The following OXCT2 variants were observed in gnomAD, a reference collection of about 807,000 sequenced individuals.
The protein encoded by OXCT2 is succinyl-CoA:3-ketoacid coenzyme A transferase 2, mitochondrial.
For missense variants in OXCT2, 317 were observed against 695.7 expected (o/e 0.46, Z 6.12); for synonymous variants, 110 against 298.4 (o/e 0.37, Z 6.51).
At position 39,769,863 on chromosome 1, in the gene OXCT2, G is replaced by C; in HGVS notation, c.1393C>G (p.Arg465Gly). 2 of 1,611,300 alleles carry C rather than the reference G, an allele frequency of 1.2e-6. No homozygotes were observed. The highest frequency in any genetic ancestry group is 8.5e-7 in the Non-Finnish European group (1 of 1,179,320). Residue 465 changes from arginine (R) to glycine (G), a missense_variant, in exon 1 of 1, where the codon CGC becomes GGC. Coordinates refer to ENST00000327582, the MANE Select transcript of OXCT2 (RefSeq NM_022120.2). ...AACACGGCCTTCTCGGTGATGATGC[G>C]GTCCACGCACCGCTTCCCGGTCAGC... ...MPLTGKRCVDRIITEKAVFDV... is the reference protein window; with the variant it reads ...MPLTGKRCVDGIITEKAVFDV...
chr1:39,769,585 G>C lies in OXCT2; in HGVS notation c.*117C>G, dbSNP rs1438021334. 7.2e-7 allele frequency: 1 copy of C among 1,390,656 alleles called. No homozygotes were observed. Among genetic ancestry groups the C allele is most frequent in the Non-Finnish European group, 9.4e-7 (1 of 1,059,788 alleles). The allele number at this position is 1,390,656 out of a possible 1,614,324, so 86.1% of individuals were successfully genotyped here. ...TCTAGAGGAGCACTGTCCACCTAGG[G>C]AGGAAAGTAGGAGGCCAGTAGCAAA... On this transcript the variant is annotated 3_prime_UTR_variant, in exon 1 of 1. Coordinates refer to ENST00000327582, the MANE Select transcript of OXCT2 (RefSeq NM_022120.2).
In OXCT2 at chr1:39,770,228, C is replaced by A. The variant is rs1439835365; in HGVS notation, c.1028G>T (p.Gly343Val). ...SMTVHLHSEN[G>V]ILGLGPFPTE... ...GGGAAACGGGCCCAGGCCCAGGATC[C>A]CGTTCTCACTGTGAAGATGGACAGT... The change falls in exon 1 of 1, where the codon GGG becomes GTG. Residue 343 changes from glycine (G) to valine (V), a missense_variant. Gly to Val is a moderately radical substitution (Grantham distance 109). Coordinates refer to ENST00000327582, the MANE Select transcript of OXCT2 (RefSeq NM_022120.2). 1 of 1,487,654 alleles carries A rather than the reference C, an allele frequency of 6.7e-7. No homozygotes were observed. Among genetic ancestry groups the A allele is most frequent in the Admixed American group, 1.9e-5 (1 of 53,202 alleles). The allele number at this position is 1,487,654 out of a possible 1,614,324, so 92.2% of individuals were successfully genotyped here.
chr1:39,770,495 A>C lies in OXCT2; in HGVS notation c.761T>G (p.Phe254Cys). 6.2e-7 allele frequency: 1 copy of C among 1,609,920 alleles called. No homozygotes were observed. The highest frequency in any genetic ancestry group is 8.5e-7 in the Non-Finnish European group (1 of 1,179,050). ...AGGAACGTGGATGTCTTCTGGGGGG[A>C]AAGCCCCCACCTCCACGATCTCTTC... Reference protein sequence around the residue: ...EVEEIVEVGAFPPEDIHVPNI... With the variant: ...EVEEIVEVGACPPEDIHVPNI... The change falls in exon 1 of 1, where the codon TTC becomes TGC. Residue 254 changes from phenylalanine to cysteine, a missense_variant. Transcript: ENST00000327582.
rs559212789 is a variant in OXCT2 at position 39,770,609 on chromosome 1, T to C, written c.647A>G (p.Asp216Gly). The change falls in exon 1 of 1, where the codon GAC (aspartate) becomes GGC (glycine). Residue 216 changes from aspartate (D) to glycine (G), a missense_variant. Coordinates refer to ENST00000327582, the MANE Select transcript of OXCT2 (RefSeq NM_022120.2). ...DFALVKGWKA[D>G]RAGNVVFRRS... ...CCTGAAGACCACGTTTCCTGCCCGG[T>C]CGGCCTTCCACCCTTTCACCAGGGC... 6.3e-6 allele frequency: 10 copies of C among 1,592,418 alleles called. No individual in the cohort carries two copies. The highest frequency in any genetic ancestry group is 8.5e-6 in the Non-Finnish European group (10 of 1,171,176).
In OXCT2 at chr1:39,770,336, G is replaced by T. The variant is rs368645697; in HGVS notation, c.920C>A (p.Ala307Asp). The T allele has an allele frequency of 4.4e-5, 70 of 1,590,796 alleles. 4 individuals carry two copies. The Middle Eastern group carries it at 1.2e-3, about 27-fold the overall frequency. Residue 307 changes from alanine (A) to aspartate (D), a missense_variant, in exon 1 of 1, where the codon GCT becomes GAT. Physicochemically the swap from Ala to Asp is moderately radical, Grantham distance 126. Transcript: ENST00000327582. ...DARTRIIRRA[A>D]LEFEDGMYAN... is the part of the protein sequence containing the mutation. ...GTACATGCCGTCCTCAAATTCCAGAGCTGCGCGTCTGATGATGCGCGTCCT... is the reference window on the plus strand; with the variant it reads ...GTACATGCCGTCCTCAAATTCCAGATCTGCGCGTCTGATGATGCGCGTCCT...
rs775569937 is a variant in OXCT2, at chr1:39,770,090, C to A, written c.1166G>T (p.Gly389Val). The A allele has an allele frequency of 8.2e-7, 1 of 1,221,306 alleles. No homozygotes were observed. Among genetic ancestry groups the A allele is most frequent in the South Asian group, 1.5e-5 (1 of 66,644 alleles). 75.7% of individuals were successfully genotyped at this position (1,221,306 alleles called of 1,614,324 possible). Residue 389 changes from glycine (G) to valine (V), a missense_variant, in exon 1 of 1, where the codon GGA (glycine) becomes GTA (valine). Transcript: ENST00000327582. ...TCCAAGCATGGTTAGTTGGATGTGTCCCCCTCGGATCATGGCGAAGGAGTC... is the reference window on the plus strand; with the variant it reads ...TCCAAGCATGGTTAGTTGGATGTGTACCCCTCGGATCATGGCGAAGGAGTC... ...SDDSFAMIRG[G>V]HIQLTMLGAM...
At position 39,770,381 on chromosome 1, in the gene OXCT2, G is replaced by A; in HGVS notation, c.875C>T (p.Ala292Val). ...LTILKEEDGD[A>V]GKEEDARTRI... ...CGTCCTGGCGTCCTCTTCCTTTCCAGCGTCTCCATCTTCCTCTTTCAGGAT... is the reference window on the plus strand; with the variant it reads ...CGTCCTGGCGTCCTCTTCCTTTCCAACGTCTCCATCTTCCTCTTTCAGGAT... The change falls in exon 1 of 1, where the codon GCT (alanine) becomes GTT (valine). Residue 292 changes from alanine (A) to valine (V), a missense_variant. By Grantham distance (64) the Ala-to-Val change is moderately conservative. Transcript: ENST00000327582. 6.3e-7 allele frequency: 1 copy of A among 1,598,888 alleles called. No individual in the cohort carries two copies. Among genetic ancestry groups the A allele is most frequent in the Non-Finnish European group, 8.5e-7 (1 of 1,176,224 alleles).
chr1:39,771,179 T>G lies in OXCT2; in HGVS notation c.77A>C (p.Gln26Pro). ...GGTGGCAAAGCAGCGGGCGCAGCCC[T>G]GGGACAGCGCGAGCCCTGAGCCGCC... ...PAGGSGLALSQGCARCFATSP... is the reference protein window; with the variant it reads ...PAGGSGLALSPGCARCFATSP... Residue 26 changes from glutamine (Q) to proline (P), a missense_variant, in exon 1 of 1, where the codon CAG becomes CCG. Gln to Pro is a moderately conservative substitution (Grantham distance 76). Transcript: ENST00000327582. 6.5e-7 allele frequency: 1 copy of G among 1,548,114 alleles called. No homozygotes were observed. The highest frequency in any genetic ancestry group is 8.7e-7 in the Non-Finnish European group (1 of 1,144,210).
In OXCT2 at chr1:39,771,249, C is replaced by T. The variant is rs1461927645; in HGVS notation, c.7G>A (p.Ala3Thr). 6.2e-5 allele frequency: 94 copies of T among 1,517,968 alleles called. No individual in the cohort carries two copies. The highest frequency in any genetic ancestry group is 7.9e-5 in the Non-Finnish European group (90 of 1,134,128). 94.0% of individuals were successfully genotyped at this position (1,517,968 alleles called of 1,614,324 possible). A position where few individuals can be genotyped will look rare whatever the true frequency, so the allele number is the denominator to read the frequency against. ...AGCACTGACGCCAGGAGCCGCAGCG[C>T]CGCCATAGTCGGCCCGGGTCGGAGG... MA[A>T]LRLLASVLGR... The change falls in exon 1 of 1, where the codon GCG becomes ACG. Residue 3 changes from alanine (A) to threonine (T), a missense_variant. By Grantham distance (58) the Ala-to-Thr change is moderately conservative. Coordinates refer to ENST00000327582, the MANE Select transcript of OXCT2 (RefSeq NM_022120.2).
At position 39,770,463 on chromosome 1, in the gene OXCT2, A is replaced by G. The variant is rs774219800; in HGVS notation, c.793T>C (p.Tyr265His). ...TGCCCCTTTATCACGCGATCTACAT[A>G]AATGTTAGGAACGTGGATGTCTTCT... ...PPEDIHVPNI[Y>H]VDRVIKGQKY... Residue 265 changes from tyrosine to histidine, a missense_variant, in exon 1 of 1, where the codon TAT becomes CAT. Coordinates refer to ENST00000327582, the MANE Select transcript of OXCT2 (RefSeq NM_022120.2). The G allele has an allele frequency of 1.2e-6, 2 of 1,609,694 alleles. No homozygotes were observed. The highest frequency in any genetic ancestry group is 1.4e-5 in the African/African-American group (1 of 73,450).
rs764933955 is a variant in OXCT2 at position 39,770,545 on chromosome 1, A to T, written c.711T>A (p.Ala237=). The T allele has an allele frequency of 2.5e-6, 4 of 1,609,564 alleles. No homozygotes were observed. Among genetic ancestry groups the T allele is most frequent in the South Asian group, 2.2e-5 (2 of 90,696 alleles). Residue 237 remains alanine (A), a synonymous_variant, in exon 1 of 1, where the codon GCT becomes GCA. Coordinates refer to ENST00000327582, the MANE Select transcript of OXCT2 (RefSeq NM_022120.2). ...ARNFNVPMCK[A]ADVTAVEVEE... is the part of the protein sequence containing the mutation. ...CCACCTCCACCGCCGTGACGTCTGC[A>T]GCTTTGCACATGGGCACGTTGAAAT...
rs1455579172 is a variant in OXCT2 at position 39,770,257 on chromosome 1, G to A, written c.999C>T (p.Ser333=). The part of the protein sequence containing the change: ...PLLASNFISP[S]MTVHLHSENG... ...TCTCACTGTGAAGATGGACAGTCAT[G>A]CTGGGACTGATGAAGTTGCTGGCCA... The change falls in exon 1 of 1, where the codon AGC becomes AGT. Residue 333 remains serine, a synonymous_variant. Coordinates refer to ENST00000327582, the MANE Select transcript of OXCT2 (RefSeq NM_022120.2). 6.5e-7 allele frequency: 1 copy of A among 1,540,000 alleles called. No homozygotes were observed. The highest frequency in any genetic ancestry group is 2.3e-5 in the East Asian group (1 of 43,024).
chr1:39,771,286 G>C lies in OXCT2; in HGVS notation c.-31C>G, dbSNP rs1392615059. The C allele has an allele frequency of 2.6e-5, 38 of 1,473,922 alleles. No individual in the cohort carries two copies. Among genetic ancestry groups the C allele is most frequent in the Non-Finnish European group, 3.2e-5 (36 of 1,116,012 alleles). 91.3% of individuals were successfully genotyped at this position (1,473,922 alleles called of 1,614,324 possible). A position where few individuals can be genotyped will look rare whatever the true frequency, so the allele number is the denominator to read the frequency against. ...GCCCGGGTCGGAGGCCAGGACAGGTGGTGTGAGCCCTGCGTGCGCCTCGGG... is the reference window on the plus strand; with the variant it reads ...GCCCGGGTCGGAGGCCAGGACAGGTCGTGTGAGCCCTGCGTGCGCCTCGGG... On this transcript the variant is annotated 5_prime_UTR_variant, in exon 1 of 1. Coordinates refer to ENST00000327582, the MANE Select transcript of OXCT2 (RefSeq NM_022120.2).
chr1:39,770,266 G>C lies in OXCT2; in HGVS notation c.990C>G (p.Ile330Met), dbSNP rs746326603. Reference protein sequence around the residue: ...IGIPLLASNFISPSMTVHLHS... With the variant: ...IGIPLLASNFMSPSMTVHLHS... ...GAAGATGGACAGTCATGCTGGGACT[G>C]ATGAAGTTGCTGGCCAGCAGGGGGA... is the stretch of plus-strand genomic sequence containing the variant. Residue 330 changes from isoleucine to methionine, a missense_variant, in exon 1 of 1, where the codon ATC becomes ATG. Coordinates refer to ENST00000327582, the MANE Select transcript of OXCT2 (RefSeq NM_022120.2). The C allele has an allele frequency of 6.5e-7, 1 of 1,550,264 alleles. No individual in the cohort carries two copies. The highest frequency in any genetic ancestry group is 8.7e-7 in the Non-Finnish European group (1 of 1,149,796).
In OXCT2 at chr1:39,771,085, C is replaced by T. The variant is rs751790946; in HGVS notation, c.171G>A (p.Ala57=). The change falls in exon 1 of 1, where the codon GCG becomes GCA. Residue 57 remains alanine, a synonymous_variant. Transcript: ENST00000327582. ...VEMVKDISDG[A]TVMIGGFGLC... Reference sequence around the variant, plus strand: ...GCCCGAAGCCCCCGATCATGACGGTCGCCCCGTCAGAGATGTCCTTCACCA... The same window carrying T: ...GCCCGAAGCCCCCGATCATGACGGTTGCCCCGTCAGAGATGTCCTTCACCA... 4.5e-6 allele frequency: 7 copies of T among 1,552,956 alleles called. No individual in the cohort carries two copies. In the East Asian group the frequency reaches 1.2e-4, roughly 26 times the overall value.
At position 39,770,201 on chromosome 1, in the gene OXCT2, G is replaced by A. The variant is rs199867641; in HGVS notation, c.1055C>T (p.Thr352Met). The stretch of plus-strand genomic sequence containing the variant: ...GAGGTCGGCATCCACCTCATCTTCC[G>A]TGGGAAACGGGCCCAGGCCCAGGAT... Reference protein sequence around the residue: ...NGILGLGPFPTEDEVDADLIN... With the variant: ...NGILGLGPFPMEDEVDADLIN... The change falls in exon 1 of 1, where the codon ACG (threonine) becomes ATG (methionine). Residue 352 changes from threonine to methionine, a missense_variant. By Grantham distance (81) the Thr-to-Met change is moderately conservative. Transcript: ENST00000327582. 819 of 1,408,464 alleles carry A rather than the reference G, an allele frequency of 5.8e-4. 30 individuals are homozygous for A. In the East Asian group the frequency reaches 0.017, roughly 30 times the overall value. The allele number at this position is 1,408,464 out of a possible 1,614,324, so 87.2% of individuals were successfully genotyped here.
rs1235833466 is a variant in OXCT2 at position 39,769,651 on chromosome 1, C to T, written c.*51G>A. On this transcript the variant is annotated 3_prime_UTR_variant, in exon 1 of 1. Transcript: ENST00000327582. ...GGGACATGTATTCCCCTGGGGAACC[C>T]GGTGGCACCCGCCCTGAGGAGCGCA... 5.4e-6 allele frequency: 8 copies of T among 1,475,686 alleles called. No homozygotes were observed. Among genetic ancestry groups the T allele is most frequent in the Admixed American group, 2.5e-5 (1 of 39,518 alleles). 91.4% of individuals were successfully genotyped at this position (1,475,686 alleles called of 1,614,324 possible).
rs559150464 is a variant in OXCT2, at chr1:39,771,304, G to A, written c.-49C>T. 307 of 1,427,950 alleles carry A rather than the reference G, an allele frequency of 2.1e-4. 3 individuals are homozygous for A. The African/African-American group carries it at 4.0e-3, about 18-fold the overall frequency. The allele number at this position is 1,427,950 out of a possible 1,614,324, so 88.5% of individuals were successfully genotyped here. A position where few individuals can be genotyped will look rare whatever the true frequency, so the allele number is the denominator to read the frequency against. On this transcript the variant is annotated 5_prime_UTR_variant, in exon 1 of 1. Transcript: ENST00000327582. ...GACAGGTGGTGTGAGCCCTGCGTGC[G>A]CCTCGGGCCGCGCGTCACAGAGCAG...
In OXCT2 at chr1:39,770,757, C is replaced by T. The variant is rs1294709738; in HGVS notation, c.499G>A (p.Glu167Lys). 6 of 954,918 alleles carry T rather than the reference C, an allele frequency of 6.3e-6. No individual in the cohort carries two copies. Among genetic ancestry groups the T allele is most frequent in the Non-Finnish European group, 8.8e-6 (6 of 681,720 alleles). 59.2% of individuals were successfully genotyped at this position (954,918 alleles called of 1,614,324 possible). A position where few individuals can be genotyped will look rare whatever the true frequency, so the allele number is the denominator to read the frequency against. Residue 167 changes from glutamate (E) to lysine (K), a missense_variant, in exon 1 of 1, where the codon GAA (glutamate) becomes AAA (lysine). By Grantham distance (56) the Glu-to-Lys change is moderately conservative. Transcript: ENST00000327582. The part of the protein sequence containing the change: ...TPTGYGTLVQ[E>K]GGAPIRYTPD... ...GTGTAGCGGATGGGGGCGCCCCCTT[C>T]CTGGACCAGGGTCCCGTAGCCCGTG... is the stretch of plus-strand genomic sequence containing the variant.
Sources: allele counts gnomAD v4.1 joint callset, GRCh38; gene constraint gnomAD v4.1.1; transcripts MANE v1.5; gene names NCBI Gene and HGNC (gene_info 2026-07-23, HGNC 2026-07-21).